STARD13: variants seen among roughly 807,000 people sequenced by gnomAD.
STARD13 encodes the protein stAR-related lipid transfer protein 13.
A neutral mutation model predicts 106.4 loss-of-function variants in STARD13; 62 were observed. That is an observed-to-expected ratio of 0.58 (90% confidence interval 0.48 to 0.72). STARD13 has a LOEUF of 0.72. STARD13 is among the 30% of genes least tolerant of loss of function. The pLI, the probability that STARD13 is intolerant of heterozygous loss-of-function variation, is 0.00. For missense variants in STARD13, 1,387 were observed against 1,424.0 expected (o/e 0.97, Z 0.42); for synonymous variants, 565 against 553.0 (o/e 1.02, Z -0.31).
chr13:33,362,516 T>C, the STARD13 span, among the ~76,000 whole-genome samples: 9 of 152,228 alleles, frequency 5.9e-5, no homozygotes, highest in African/African-American at 2.2e-4. Flanking sequence ...TTGGATTTAA[T>C]GGATTTTATT....
intron 1 of STARD13, among the ~76,000 whole-genome samples, chr13:33,319,538 A>G (rs1893475324): frequency 6.6e-6 from 1 of 152,230 alleles, no homozygotes; most frequent in South Asian, 2.1e-4. Flanking sequence ...TGTGAATTTT[A>G]TCTAAAAATT....
the STARD13 span, among the ~76,000 whole-genome samples, chr13:33,358,773 C>A: frequency 8.0e-5 from 12 of 150,860 alleles, no homozygotes; most frequent in Admixed American, 6.6e-5. Flanking sequence ...GTCTTTATGT[C>A]TAGCTCAGGG....
chr13:33,261,729 AC>A (rs1890649449), intron 1 of STARD13, among the ~76,000 whole-genome samples: 1 of 152,254 alleles, frequency 6.6e-6, no homozygotes, highest in Non-Finnish European at 1.5e-5. Flanking sequence ...AGGGAAAGAT[AC>A]AAAACATTTG....
At chr13:33,270,266 A>T (rs1237114262) in intron 1 of STARD13, among the ~76,000 whole-genome samples, 1 of 152,134 alleles carries the variant, frequency 6.6e-6, no homozygotes, top group Non-Finnish European at 1.5e-5. Context: ...ACAAAACAGC[A>T]CAGAGTGGCA....
chr13:33,351,565 G>C (rs937158264), upstream of STARD13, among the ~76,000 whole-genome samples: 6 of 152,150 alleles, frequency 3.9e-5, no homozygotes, highest in African/African-American at 1.4e-4. Context: ...AGTGCTTTGA[G>C]GTCTTCCAAG....
the STARD13 span, among the ~76,000 whole-genome samples, chr13:33,505,776 G>A: frequency 2.6e-5 from 4 of 152,120 alleles, no homozygotes; most frequent in Admixed American, 6.6e-5. Context: ...TCATGCTCAT[G>A]AGTCCTTTTA....
intron 1 of STARD13, among the ~76,000 whole-genome samples, chr13:33,247,502 T>A (rs1002773828): frequency 1.3e-5 from 2 of 152,002 alleles, no homozygotes; most frequent in Non-Finnish European, 2.9e-5. Flanking sequence ...TTGGAGCTAG[T>A]CTTTTCATAA....
At chr13:33,291,935 T>C (rs1892310131) in intron 1 of STARD13, among the ~76,000 whole-genome samples, 1 of 152,126 alleles carries the variant, frequency 6.6e-6, no homozygotes, top group Non-Finnish European at 1.5e-5. Context: ...TAAGAAGAGG[T>C]CTTTAATCTT....
the STARD13 span, among the ~76,000 whole-genome samples, chr13:33,521,300 C>A: frequency 6.6e-6 from 1 of 152,042 alleles, no homozygotes; most frequent in South Asian, 2.1e-4. Context: ...AATGAAGGTA[C>A]ACTAGATTGA....
At chr13:33,142,454 A>C in intron 3 of STARD13, 81 bp from the exon 4 acceptor site, 1 of 1,314,084 alleles carries the variant, frequency 7.6e-7, no homozygotes, top group East Asian at 2.3e-5. Context: ...CTTTATTTCC[A>C]GTAAAGTTGA....
intron 1 of STARD13, among the ~76,000 whole-genome samples, chr13:33,272,165 C>T (rs145588172): frequency 4.2e-3 from 638 of 152,294 alleles, no homozygotes; most frequent in Admixed American, 7.9e-3. Flanking sequence ...AAAGTAGCTA[C>T]AGGTTTAGTA....
At chr13:33,644,167 G>A in the STARD13 span, among the ~76,000 whole-genome samples, 1,138 of 152,340 alleles carry the variant, frequency 7.5e-3, 3 homozygotes, top group Non-Finnish European at 0.011. Context: ...CGGGAGAATC[G>A]GAGAGGGTTG....
At chr13:33,241,952 C>T (rs537320164) in intron 1 of STARD13, among the ~76,000 whole-genome samples, 10 of 152,204 alleles carry the variant, frequency 6.6e-5, no homozygotes, top group Non-Finnish European at 1.2e-4. Context: ...AGCCTCTGTC[C>T]GGCCGCCACC....
chr13:33,444,733 C>T, the STARD13 span, among the ~76,000 whole-genome samples: 1 of 152,158 alleles, frequency 6.6e-6, no homozygotes, highest in Non-Finnish European at 1.5e-5. Flanking sequence ...CCCACCACTG[C>T]ACTCCAGCCT....
chr13:33,639,393 C>T, the STARD13 span, among the ~76,000 whole-genome samples: 1 of 152,300 alleles, frequency 6.6e-6, no homozygotes, highest in South Asian at 2.1e-4. Context: ...CAAGAACAGC[C>T]GTGGTCTTTG....
At chr13:33,285,142 T>A (rs1245797627) in intron 1 of STARD13, among the ~76,000 whole-genome samples, 1 of 151,852 alleles carries the variant, frequency 6.6e-6, no homozygotes, top group Non-Finnish European at 1.5e-5. Flanking sequence ...TGTGACGGAG[T>A]GTGAGGAAAC....
At chr13:33,292,243 C>T (rs1045243037) in intron 1 of STARD13, among the ~76,000 whole-genome samples, 8 of 151,908 alleles carry the variant, frequency 5.3e-5, no homozygotes, top group Admixed American at 2.6e-4. Flanking sequence ...TCAACATATC[C>T]GTAAGATGAA....
chr13:33,460,111 T>C, the STARD13 span, among the ~76,000 whole-genome samples: 1 of 152,166 alleles, frequency 6.6e-6, no homozygotes, highest in East Asian at 1.9e-4. Context: ...ATTTAGGCCA[T>C]TATGTCTTCA....
chr13:33,278,481 C>G (rs1171817743), intron 1 of STARD13: 1 of 152,152 alleles, frequency 6.6e-6, no homozygotes, highest in Non-Finnish European at 1.5e-5. Flanking sequence ...TGTGACGCCC[C>G]CATTTCCACT....
Sources: gnomAD v4.1 joint callset for allele counts (sites outside exome capture counted in the v4.1 genomes callset) on GRCh38, gnomAD v4.1.1 for gene constraint, MANE v1.5 for transcripts, NCBI Gene and HGNC (gene_info 2026-07-23, HGNC 2026-07-21) for gene names.